TMEM266: variants seen among roughly 807,000 people sequenced by gnomAD.
TMEM266 encodes the protein transmembrane protein 266, also known as Hv1 related protein 1.
TMEM266 carries 33 observed loss-of-function variants against 50.5 expected under a neutral mutation model. The ratio of observed to expected loss-of-function variants is 0.65; its 90% CI spans 0.50 to 0.87. The LOEUF is 0.87. Among genes scored for constraint, TMEM266 ranks in the 40% least tolerant of loss-of-function variants. The pLI is 0.00. For missense variants in TMEM266, 655 were observed against 695.1 expected, an observed-to-expected ratio of 0.94 and a Z score of 0.65; for synonymous variants, 310 against 292.3, an observed-to-expected ratio of 1.06 and a Z score of -0.62.
chr15:76,091,055 AAAAAT>A, intron 1 of TMEM266, among the ~76,000 whole-genome samples: 1 of 152,294 alleles, frequency 6.6e-6, no homozygotes, highest in Middle Eastern at 3.4e-3. Context: ...CATGTCAACT[AAAAAT>A]AAAAGGGAAA....
intron 1 of TMEM266, among the ~76,000 whole-genome samples, chr15:76,071,565 A>G (rs2036539928): frequency 6.6e-6 from 1 of 152,136 alleles, no homozygotes; most frequent in Admixed American, 6.5e-5. Context: ...CCCTATGGAG[A>G]TTCTCATAAG....
intron 8 of TMEM266, among the ~76,000 whole-genome samples, chr15:76,189,795 C>T (rs971781308): frequency 6.6e-6 from 1 of 152,172 alleles, no homozygotes; most frequent in Non-Finnish European, 1.5e-5. Context: ...AGGCAGGGAC[C>T]TGGGGAAAGG....
At chr15:76,145,599 A>G (rs1295098061) in intron 3 of TMEM266, among the ~76,000 whole-genome samples, 1 of 152,242 alleles carries the variant, frequency 6.6e-6, no homozygotes, top group Admixed American at 6.5e-5. Context: ...CATTTCCCAG[A>G]GTACATTACT....
intron 1 of TMEM266, among the ~76,000 whole-genome samples, chr15:76,067,058 A>G (rs753447060): frequency 4.6e-5 from 7 of 152,148 alleles, no homozygotes; most frequent in Admixed American, 4.6e-4. Flanking sequence ...AGTCACCCCC[A>G]TTTGAGAACC....
intron 7 of TMEM266, 66 bp from the exon 8 acceptor site, chr15:76,175,491 GGC>G: frequency 7.9e-7 from 1 of 1,262,644 alleles, no homozygotes; most frequent in Non-Finnish European, 1.1e-6. Context: ...CTGAATGCTG[GGC>G]CCGCCCTTCC....
At chr15:76,065,565 G>A (rs1292200319) in intron 1 of TMEM266, among the ~76,000 whole-genome samples, 1 of 152,112 alleles carries the variant, frequency 6.6e-6, no homozygotes, top group South Asian at 2.1e-4. Flanking sequence ...GGCTCTGCCT[G>A]TGATGTGAAT....
chr15:76,171,182 G>C (rs1164023332), intron 7 of TMEM266, 51 bp downstream of exon 7: 6 of 1,598,014 alleles, frequency 3.8e-6, no homozygotes, highest in African/African-American at 2.7e-5. Context: ...AGAAAGTGGG[G>C]CTTTCAACTG....
rs115349533 is a variant in TMEM266, at chr15:76,116,003, G to T, written c.-96-18165G>T. Among the ~76,000 whole-genome samples, 1,050 of 152,092 alleles carry T rather than the reference G, an allele frequency of 6.9e-3. 12 individuals carry two copies. Among genetic ancestry groups the T allele is most frequent in the African/African-American group, 0.024 (1,003 of 41,492 alleles). On this transcript the variant is annotated intron_variant, in intron 1 of 10. Coordinates refer to ENST00000388942, the MANE Select transcript of TMEM266 (RefSeq NM_152335.3). ...CTAGGCCTGGCTTTCTCGCTCCCCT[G>T]CCCCGCCCCCCACATTCAGTGTTCT...
chr15:76,066,236 A>C (rs578192739), intron 1 of TMEM266, among the ~76,000 whole-genome samples: 1 of 152,286 alleles, frequency 6.6e-6, no homozygotes, highest in East Asian at 1.9e-4. Context: ...ACCTGTATTG[A>C]TCAGTCCTGG....
At chr15:76,083,295 G>A (rs1366860379) in intron 1 of TMEM266, among the ~76,000 whole-genome samples, 5 of 149,494 alleles carry the variant, frequency 3.3e-5, no homozygotes, top group Admixed American at 2.0e-4. Flanking sequence ...GCAGTGGTGC[G>A]ATCTCAGCTC....
At chr15:76,075,037 G>A (rs2036586041) in intron 1 of TMEM266, among the ~76,000 whole-genome samples, 1 of 152,070 alleles carries the variant, frequency 6.6e-6, no homozygotes, top group Admixed American at 6.5e-5. Context: ...ATTTTAAGTA[G>A]GGGGAAATAA....
intron 9 of TMEM266, among the ~76,000 whole-genome samples, chr15:76,199,673 T>G (rs1177135412): frequency 3.9e-5 from 6 of 152,184 alleles, no homozygotes; most frequent in Non-Finnish European, 4.4e-5. Context: ...CACAGTCTAT[T>G]CAATAATCAC....
chr15:76,190,338 G>T (rs2038549708), intron 8 of TMEM266, among the ~76,000 whole-genome samples: 1 of 152,228 alleles, frequency 6.6e-6, no homozygotes, highest in Non-Finnish European at 1.5e-5. Flanking sequence ...AGACAAGTTG[G>T]TCAGGTGGGC....
chr15:76,132,381 T>C (rs2037522014), intron 1 of TMEM266, among the ~76,000 whole-genome samples: 1 of 151,922 alleles, frequency 6.6e-6, no homozygotes, highest in African/African-American at 2.4e-5. Flanking sequence ...AGTCCTGGGA[T>C]TATAGGCGTG....
At chr15:76,101,579 G>A (rs2037000410) in intron 1 of TMEM266, among the ~76,000 whole-genome samples, 1 of 152,236 alleles carries the variant, frequency 6.6e-6, no homozygotes, top group African/African-American at 2.4e-5. Flanking sequence ...CCTATGAAGT[G>A]ATATAGTCGG....
At chr15:76,120,685 T>G (rs1472907456) in intron 1 of TMEM266, among the ~76,000 whole-genome samples, 1 of 142,802 alleles carries the variant, frequency 7.0e-6, no homozygotes, top group African/African-American at 2.7e-5. Flanking sequence ...TGCTTGAACC[T>G]GAGAGGCGAA....
intron 1 of TMEM266, among the ~76,000 whole-genome samples, chr15:76,069,703 A>G (rs1003611205): frequency 4.6e-5 from 7 of 152,108 alleles, no homozygotes; most frequent in Non-Finnish European, 7.4e-5. Context: ...CTGTAGTCAC[A>G]GCTACTCGGG....
rs183541898 is a variant in TMEM266 at position 76,204,781 on chromosome 15, A to G, written c.*466A>G. 794 of 155,402 alleles carry G rather than the reference A, an allele frequency of 5.1e-3. 7 individuals are homozygous for G. The highest frequency in any genetic ancestry group is 0.014 in the Middle Eastern group (4 of 296). The allele number at this position is 155,402 out of a possible 1,614,324, so 9.6% of individuals were successfully genotyped here. A position where few individuals can be genotyped will look rare whatever the true frequency, so the allele number is the denominator to read the frequency against. On this transcript the variant is annotated 3_prime_UTR_variant, in exon 11 of 11. Coordinates refer to ENST00000388942, the MANE Select transcript of TMEM266 (RefSeq NM_152335.3). ...CACACGGAGACCACCATCTGAGCCT[A>G]TGTCATTTGTCCTCATTCTCATTCC... is the stretch of plus-strand genomic sequence containing the variant.
intron 8 of TMEM266, among the ~76,000 whole-genome samples, chr15:76,187,669 G>A (rs568216015): frequency 3.3e-5 from 5 of 152,238 alleles, no homozygotes; most frequent in African/African-American, 9.6e-5. Flanking sequence ...CCCAGTGTGA[G>A]CCCAAAGTTA....
Sources: gnomAD v4.1 joint callset for allele counts (sites outside exome capture counted in the v4.1 genomes callset) on GRCh38, gnomAD v4.1.1 for gene constraint, MANE v1.5 for transcripts, NCBI Gene and HGNC (gene_info 2026-07-23, HGNC 2026-07-21) for gene names.